The following FAM13B variants were observed in gnomAD, a reference collection of about 807,000 sequenced individuals.
FAM13B encodes the protein family with sequence similarity 13 member B.
Under a neutral mutation model 117.3 loss-of-function variants are expected in FAM13B, and 60 were observed. The observed-to-expected ratio is 0.51, with a 90% CI of 0.42 to 0.63. FAM13B has a LOEUF of 0.63. Ranked by LOEUF, FAM13B falls within the 30% of genes least tolerant of loss-of-function variation. The pLI, the probability that FAM13B is intolerant of heterozygous loss-of-function variation, is 0.00. For missense variants in FAM13B, 972 were observed against 1,091.9 expected (o/e 0.89, Z 1.55); for synonymous variants, 332 against 356.1 (o/e 0.93, Z 0.76).
At chr5:137,990,195 A>G (rs1778268379) in intron 7 of FAM13B, among the ~76,000 whole-genome samples, 1 of 152,214 alleles carries the variant, frequency 6.6e-6, no homozygotes, top group Admixed American at 6.5e-5. Context: ...CCTTGATAAT[A>G]TTTGCAATCT....
intron 4 of FAM13B, among the ~76,000 whole-genome samples, chr5:138,012,216 CTTTTTTTTT>C (rs36054299): frequency 2.5e-5 from 3 of 121,758 alleles, no homozygotes; most frequent in African/African-American, 8.9e-5. Flanking sequence ...CCCCAATTCT[CTTTTTTTTT>C]TTTTTTTTTT....
chr5:137,968,402 C>T (rs1413862575), intron 10 of FAM13B, among the ~76,000 whole-genome samples: 5 of 147,876 alleles, frequency 3.4e-5, no homozygotes, highest in African/African-American at 2.5e-5. Flanking sequence ...GATCATGCCA[C>T]TGCACTCTAG....
chr5:137,961,124 T>A (rs1383843166), intron 11 of FAM13B, among the ~76,000 whole-genome samples: 1 of 152,156 alleles, frequency 6.6e-6, no homozygotes, highest in Non-Finnish European at 1.5e-5. Context: ...TTCCTTTGCT[T>A]AGAGTAGGAG....
intron 20 of FAM13B, among the ~76,000 whole-genome samples, chr5:137,943,577 C>G (rs1762499549): frequency 6.6e-6 from 1 of 152,122 alleles, no homozygotes; most frequent in Non-Finnish European, 1.5e-5. Flanking sequence ...AAGCCCGCCT[C>G]TACTAAAAAT....
At chr5:137,998,567 T>C (rs1015326918) in intron 7 of FAM13B, among the ~76,000 whole-genome samples, 5 of 152,196 alleles carry the variant, frequency 3.3e-5, no homozygotes, top group Non-Finnish European at 5.9e-5. Context: ...AGACATTTTC[T>C]CAGAAACGAC....
chr5:137,990,285 G>A (rs184866009), intron 7 of FAM13B, among the ~76,000 whole-genome samples: 202 of 152,260 alleles, frequency 1.3e-3, no homozygotes, highest in Non-Finnish European at 2.6e-3. Flanking sequence ...CACTGACAAT[G>A]TGGCATACTG....
intron 7 of FAM13B, among the ~76,000 whole-genome samples, chr5:138,002,521 G>A (rs1781510304): frequency 6.6e-6 from 1 of 152,082 alleles, no homozygotes; most frequent in South Asian, 2.1e-4. Flanking sequence ...GCAACAGAGT[G>A]AAACTCCATG....
rs1324481359 is a variant in FAM13B at position 137,940,195 on chromosome 5, T to A, written c.*30A>T. ...GATAGCTTCAAGGAATACAACTGAC[T>A]TTATGATATGAATTTTCAAGGAACG... On this transcript the variant is annotated 3_prime_UTR_variant, in exon 24 of 24. Transcript: ENST00000689681. 6.2e-7 allele frequency: 1 copy of A among 1,613,836 alleles called. No individual in the cohort carries two copies. The highest frequency in any genetic ancestry group is 1.7e-5 in the Admixed American group (1 of 60,004).
chr5:137,969,015 C>T (rs546735789), intron 10 of FAM13B, among the ~76,000 whole-genome samples: 173 of 152,326 alleles, frequency 1.1e-3, no homozygotes, highest in Middle Eastern at 3.4e-3. Flanking sequence ...AACTGCAAGG[C>T]GGCAGCGAGG....
At chr5:137,997,176 A>G (rs1234523974) in intron 7 of FAM13B, among the ~76,000 whole-genome samples, 1 of 152,200 alleles carries the variant, frequency 6.6e-6, no homozygotes, top group Non-Finnish European at 1.5e-5. Flanking sequence ...ATTTAAATAT[A>G]AAGCTAAATG....
chr5:137,962,976 TC>T (rs1215854013), intron 10 of FAM13B, among the ~76,000 whole-genome samples: 3 of 151,586 alleles, frequency 2.0e-5, no homozygotes, highest in Admixed American at 6.6e-5. Flanking sequence ...TCATCCCTAT[TC>T]CCCCCCAAAC....
intron 23 of FAM13B, among the ~76,000 whole-genome samples, chr5:137,941,144 GTGA>G (rs543254968): frequency 1.1e-4 from 17 of 152,058 alleles, no homozygotes; most frequent in Admixed American, 1.1e-3. Context: ...TCCTGACCTC[GTGA>G]TCCACCCGCC....
In FAM13B at chr5:138,006,851, A is replaced by G. The variant is rs1017017874; in HGVS notation, c.848+139T>C. 40 of 783,232 alleles carry G rather than the reference A, an allele frequency of 5.1e-5. No homozygotes were observed. The African/African-American group carries it at 6.3e-4, about 12-fold the overall frequency. 48.5% of individuals were successfully genotyped at this position (783,232 alleles called of 1,614,324 possible). A position where few individuals can be genotyped will look rare whatever the true frequency, so the allele number is the denominator to read the frequency against. On this transcript the variant is annotated intron_variant, in intron 7 of 23. Coordinates refer to ENST00000689681, the MANE Select transcript of FAM13B (RefSeq NM_001385994.1). The stretch of plus-strand genomic sequence containing the variant: ...ATTCCTTAGCAAGACTGCATCTTTA[A>G]ATTTTACTTCTTGCTCTTTTTCACA...
chr5:137,954,097 A>G, intron 15 of FAM13B, 69 bp downstream of exon 15: 1 of 1,003,880 alleles, frequency 1.0e-6, no homozygotes, highest in Non-Finnish European at 1.5e-6. Context: ...AGGCTGGAAG[A>G]CTAAATCTCT....
intron 13 of FAM13B, 34 bp downstream of exon 13, chr5:137,959,582 T>C (rs1767561103): frequency 1.9e-6 from 3 of 1,611,606 alleles, no homozygotes; most frequent in Non-Finnish European, 2.5e-6. Context: ...ACAAGTAACA[T>C]TATCAGGAAA....
At chr5:137,967,145 C>G (rs913453830) in intron 10 of FAM13B, among the ~76,000 whole-genome samples, 1 of 151,156 alleles carries the variant, frequency 6.6e-6, no homozygotes, top group Admixed American at 6.6e-5. Flanking sequence ...TTAACACCAT[C>G]AAAAATGACT....
intron 1 of FAM13B, among the ~76,000 whole-genome samples, chr5:138,029,175 T>G (rs1053552021): frequency 2.0e-5 from 3 of 152,196 alleles, no homozygotes; most frequent in African/African-American, 7.2e-5. Context: ...ATAAGGAGAA[T>G]GGATTACCCT....
intron 7 of FAM13B, among the ~76,000 whole-genome samples, chr5:137,998,778 G>A (rs952999104): frequency 6.6e-6 from 1 of 152,210 alleles, no homozygotes; most frequent in Non-Finnish European, 1.5e-5. Context: ...ACTCAGTGAA[G>A]CAATCTTTTC....
chr5:138,015,669 C>T (rs1785089020), intron 4 of FAM13B, among the ~76,000 whole-genome samples: 1 of 152,196 alleles, frequency 6.6e-6, no homozygotes, highest in African/African-American at 2.4e-5. Context: ...TCCCACTGCA[C>T]TCCAGCCTGG....
Sources: allele counts gnomAD v4.1 joint callset (sites outside exome capture counted in the v4.1 genomes callset), GRCh38; gene constraint gnomAD v4.1.1; transcripts MANE v1.5; gene names NCBI Gene and HGNC (gene_info 2026-07-23, HGNC 2026-07-21).